Variants in C16orf96 observed in about 807,000 individuals in gnomAD.
C16orf96 encodes chromosome 16 open reading frame 96.
In C16orf96, 108 loss-of-function variants were observed where a neutral mutation model predicts 103.6. The ratio of observed to expected loss-of-function variants is 1.04; its 90% CI spans 0.89 to 1.22. The LOEUF is 1.22. C16orf96 is among the 50% of genes most tolerant of loss of function. The pLI, the probability that C16orf96 is intolerant of heterozygous loss-of-function variation, is 0.00. For synonymous variants in C16orf96, 566 were observed against 593.5 expected, an observed-to-expected ratio of 0.95 and a Z score of 0.67; for missense variants, 1,586 against 1,464.2, an observed-to-expected ratio of 1.08 and a Z score of -1.36.
chr16:4,575,846 G>A lies in C16orf96; in HGVS notation c.1366G>A (p.Val456Ile). 2 of 1,551,386 alleles carry A rather than the reference G, an allele frequency of 1.3e-6. No homozygotes were observed. Among genetic ancestry groups the A allele is most frequent in the South Asian group, 1.2e-5 (1 of 84,064 alleles). ...AGCCCTCCAGCTCGCAGCTGTCCAAGTAAAGGGGGAGGAAAATGATGTCCC... is the reference window on the plus strand; with the variant it reads ...AGCCCTCCAGCTCGCAGCTGTCCAAATAAAGGGGGAGGAAAATGATGTCCC... ...GEALQLAAVQ[V>I]KGEENDVPSL... The change falls in exon 5 of 16, where the codon GTA becomes ATA. Residue 456 changes from valine (V) to isoleucine (I), a missense_variant. Coordinates refer to ENST00000444310, the MANE Select transcript of C16orf96 (RefSeq NM_001145011.2).
chr16:4,574,340 A>G (rs960468439), intron 2 of C16orf96, among the ~76,000 whole-genome samples: 16 of 152,112 alleles, frequency 1.1e-4, no homozygotes, highest in Non-Finnish European at 1.6e-4. Flanking sequence ...CTCCTGCCTC[A>G]GCTTCCTGAT....
At chr16:4,599,034 G>T (rs1190131303) in intron 14 of C16orf96, among the ~76,000 whole-genome samples, 1 of 151,856 alleles carries the variant, frequency 6.6e-6, no homozygotes. Flanking sequence ...TAGGAGGATT[G>T]CTTGAGCCCA....
chr16:4,541,936 G>C, the C16orf96 span, among the ~76,000 whole-genome samples: 3 of 152,196 alleles, frequency 2.0e-5, no homozygotes, highest in African/African-American at 7.2e-5. Flanking sequence ...AGAAGCAGTG[G>C]TTCAGTGTTT....
chr16:4,574,880 G>A, intron 3 of C16orf96, 91 bp downstream of exon 3: 1 of 1,522,514 alleles, frequency 6.6e-7, no homozygotes, highest in Non-Finnish European at 8.9e-7. Context: ...GGTGCAAGGA[G>A]GAGAACACAG....
intron 1 of C16orf96, among the ~76,000 whole-genome samples, chr16:4,567,627 T>C (rs2059395800): frequency 6.6e-6 from 1 of 151,538 alleles, no homozygotes; most frequent in African/African-American, 2.4e-5. Flanking sequence ...GACATATTTG[T>C]CATTTAGTAG....
intron 14 of C16orf96, 31 bp from the exon 15 acceptor site, chr16:4,599,252 AC>A (rs1897236395): frequency 6.5e-7 from 1 of 1,544,368 alleles, no homozygotes; most frequent in South Asian, 1.2e-5. Flanking sequence ...GGTGGATGCC[AC>A]CCACACCTGT....
intron 2 of C16orf96, among the ~76,000 whole-genome samples, chr16:4,573,991 G>A (rs552098958): frequency 6.6e-5 from 10 of 150,734 alleles, no homozygotes; most frequent in East Asian, 4.1e-4. Context: ...AAGCCACCAC[G>A]CCTAGCTAAT....
At chr16:4,592,602 T>TAC (rs1323664453) in intron 11 of C16orf96, among the ~76,000 whole-genome samples, 1 of 152,216 alleles carries the variant, frequency 6.6e-6, no homozygotes, top group African/African-American at 2.4e-5. Context: ...CACATCCATG[T>TAC]ACACTGTTCT....
chr16:4,588,120 T>TCCTCCATCCCAGCAGCCATGCCTC, intron 8 of C16orf96, 47 bp from the exon 9 acceptor site: 1 of 1,531,468 alleles, frequency 6.5e-7, no homozygotes, highest in South Asian at 1.2e-5. Context: ...AGCTTTGCCT[T>TCCTCCATCCCAGCAGCCATGCCTC]CCTCCATCCC....
intron 1 of C16orf96, among the ~76,000 whole-genome samples, chr16:4,562,401 G>A (rs1042340790): frequency 6.6e-6 from 1 of 151,114 alleles, no homozygotes; most frequent in Admixed American, 6.6e-5. Context: ...AGCCTGGGAG[G>A]TCGAGGCTGC....
Position 4,600,142 on chromosome 16 carries a change from C to G in C16orf96, c.3251C>G (p.Pro1084Arg). Residue 1084 changes from proline (P) to arginine (R), a missense_variant, in exon 16 of 16, where the codon CCT becomes CGT. By Grantham distance (103) the Pro-to-Arg change is moderately radical. Transcript: ENST00000444310. Reference protein sequence around the residue: ...RSSACSAASGPHLTMPARPPS... With the variant: ...RSSACSAASGRHLTMPARPPS... ...AGTGCCTGCTCAGCTGCCTCGGGCC[C>G]TCACCTGACGATGCCAGCTCGACCA... 1 of 1,551,728 alleles carries G rather than the reference C, an allele frequency of 6.4e-7. No individual in the cohort carries two copies. Among genetic ancestry groups the G allele is most frequent in the Non-Finnish European group, 8.7e-7 (1 of 1,147,038 alleles).
At chr16:4,582,285 A>AAAATAAATAAAT (rs140485410) in intron 7 of C16orf96, among the ~76,000 whole-genome samples, 16 of 149,224 alleles carry the variant, frequency 1.1e-4, no homozygotes, top group African/African-American at 4.0e-4. Context: ...TCAGTCTCAA[A>AAAATAAATAAAT]AAATAAATAA....
chr16:4,567,280 C>CTT lies in C16orf96; in HGVS notation c.421-4261_421-4260dup, dbSNP rs71139642. Among the ~76,000 whole-genome samples, 223 of 62,582 alleles carry CTT rather than the reference C, an allele frequency of 3.6e-3. 8 individuals are homozygous for CTT. The highest frequency in any genetic ancestry group is 0.011 in the African/African-American group (183 of 16,882). 41.1% of individuals were successfully genotyped at this position (62,582 alleles called of 152,430 possible). A position where few individuals can be genotyped will look rare whatever the true frequency, so the allele number is the denominator to read the frequency against. ...ATTTCTTCTTTGACATATTTCTTTT[C>CTT]TTTTTTTTTTTTTTTTTTTTTGAGA... On this transcript the variant is annotated intron_variant, in intron 1 of 15. Coordinates refer to ENST00000444310, the MANE Select transcript of C16orf96 (RefSeq NM_001145011.2).
rs1270812737 is a variant in C16orf96, at chr16:4,600,492, C to T, written c.*175C>T. The T allele has an allele frequency of 2.3e-5, 11 of 472,808 alleles. No homozygotes were observed. Among genetic ancestry groups the T allele is most frequent in the African/African-American group, 2.0e-4 (9 of 44,238 alleles). 29.3% of individuals were successfully genotyped at this position (472,808 alleles called of 1,614,324 possible). ...TGTCCGAGGCTGAGGCTCATGCGCC[C>T]CCCCCCATCCCTACCAAGTCCCCTC... is the stretch of plus-strand genomic sequence containing the variant. On this transcript the variant is annotated 3_prime_UTR_variant, in exon 16 of 16. Coordinates refer to ENST00000444310, the MANE Select transcript of C16orf96 (RefSeq NM_001145011.2).
intron 1 of C16orf96, among the ~76,000 whole-genome samples, chr16:4,568,286 G>A (rs2059402481): frequency 6.6e-6 from 1 of 152,078 alleles, no homozygotes; most frequent in Admixed American, 6.6e-5. Context: ...ATTTGTTAAG[G>A]CTTGTTTTAT....
the C16orf96 span, among the ~76,000 whole-genome samples, chr16:4,548,467 C>T: frequency 1.3e-5 from 2 of 152,204 alleles, no homozygotes; most frequent in Non-Finnish European, 2.9e-5. Flanking sequence ...CTTTCTACCT[C>T]GTGGCACCTG....
chr16:4,541,384 A>G, the C16orf96 span, among the ~76,000 whole-genome samples: 4 of 152,198 alleles, frequency 2.6e-5, no homozygotes, highest in Non-Finnish European at 5.9e-5. Flanking sequence ...CATGGACATA[A>G]CGATCCTGCA....
chr16:4,565,452 C>T (rs367761602), intron 1 of C16orf96, among the ~76,000 whole-genome samples: 2 of 152,224 alleles, frequency 1.3e-5, no homozygotes, highest in African/African-American at 4.8e-5. Context: ...GCATATCACA[C>T]AGAGGGGGAG....
At chr16:4,559,419 C>T (rs531399772) in intron 1 of C16orf96, among the ~76,000 whole-genome samples, 2 of 151,838 alleles carry the variant, frequency 1.3e-5, no homozygotes, top group Admixed American at 6.6e-5. Flanking sequence ...GGCATGGTGG[C>T]GCATGCCTGG....
Sources: allele counts gnomAD v4.1 joint callset (sites outside exome capture counted in the v4.1 genomes callset), GRCh38; gene constraint gnomAD v4.1.1; transcripts MANE v1.5; gene names NCBI Gene and HGNC (gene_info 2026-07-23, HGNC 2026-07-21).